The following CDH4 variants were observed in gnomAD, a reference collection of about 807,000 sequenced individuals.
CDH4 encodes the protein cadherin 4.
In CDH4, 33 loss-of-function variants were observed where a neutral mutation model predicts 86.0. The ratio of observed to expected loss-of-function variants is 0.38; its 90% CI spans 0.29 to 0.51. CDH4 has a LOEUF of 0.51. Among genes scored for constraint, CDH4 ranks in the 20% least tolerant of loss-of-function variants. The pLI is 0.86. For synonymous variants in CDH4, 555 were observed against 549.4 expected, an observed-to-expected ratio of 1.01 and a Z score of -0.14; for missense variants, 1,114 against 1,307.4, an observed-to-expected ratio of 0.85 and a Z score of 2.28.
chr20:61,677,157 T>C (rs889536570), intron 2 of CDH4, among the ~76,000 whole-genome samples: 11 of 152,108 alleles, frequency 7.2e-5, no homozygotes, highest in African/African-American at 2.4e-4. Context: ...GCAGGAAGAA[T>C]GACTGCTGGG....
intron 2 of CDH4, among the ~76,000 whole-genome samples, chr20:61,255,666 G>A (rs547347929): frequency 2.0e-5 from 3 of 152,344 alleles, no homozygotes; most frequent in Non-Finnish European, 4.4e-5. Context: ...AGCGATAGAG[G>A]AAGAGGACTT....
At chr20:61,700,941 G>T (rs77770406) in intron 2 of CDH4, among the ~76,000 whole-genome samples, 1 of 152,198 alleles carries the variant, frequency 6.6e-6, no homozygotes, top group African/African-American at 2.4e-5. Context: ...AGGTGTATTC[G>T]TGTTCCAGGG....
intron 3 of CDH4, among the ~76,000 whole-genome samples, chr20:61,751,892 T>C (rs1376409489): frequency 1.3e-5 from 2 of 151,956 alleles, no homozygotes; most frequent in Non-Finnish European, 2.9e-5. Context: ...ACAACCAAAA[T>C]CCATTTGAGG....
At chr20:61,686,451 TCGTGTGTGTGCATTTGCGTGTATATGTG>T (rs1313684411) in intron 2 of CDH4, among the ~76,000 whole-genome samples, 33 of 138,664 alleles carry the variant, frequency 2.4e-4, no homozygotes, top group African/African-American at 8.0e-4. Context: ...GCGTGTGCAT[TCGTGTGTGTGCATTTGCGTGTATATGTG>T]CGTGTGTGTG....
At chr20:61,838,344 G>A (rs562574409) in intron 4 of CDH4, among the ~76,000 whole-genome samples, 1 of 152,236 alleles carries the variant, frequency 6.6e-6, no homozygotes, top group African/African-American at 2.4e-5. Context: ...CCTCGGCTGT[G>A]CAATGCAGGC....
chr20:61,934,006 G>T (rs373911509), intron 14 of CDH4, 50 bp from the exon 15 acceptor site: 2 of 1,597,712 alleles, frequency 1.3e-6, no homozygotes, highest in East Asian at 2.2e-5. Flanking sequence ...TGGAAGGGGG[G>T]CTGGCGGATT....
intron 2 of CDH4, among the ~76,000 whole-genome samples, chr20:61,353,684 CCCTCCTCCTCCCCTCCT>C (rs1568810396): frequency 1.2e-3 from 12 of 10,040 alleles, no homozygotes; most frequent in African/African-American, 1.8e-3. Context: ...CTCCTCCTCC[CCCTCCTCCTCCCCTCCT>C]CCTCCTCCCC....
chr20:61,260,562 G>A (rs959422614), intron 2 of CDH4, among the ~76,000 whole-genome samples: 3 of 152,150 alleles, frequency 2.0e-5, no homozygotes, highest in Non-Finnish European at 2.9e-5. Context: ...AGGCTGGGTG[G>A]GACTCAGACC....
intron 2 of CDH4, among the ~76,000 whole-genome samples, chr20:61,696,455 C>T (rs1221955556): frequency 6.6e-6 from 1 of 152,242 alleles, no homozygotes; most frequent in African/African-American, 2.4e-5. Context: ...AAGACTAGCA[C>T]TGGCTGAGCG....
At chr20:61,509,872 T>C (rs2085767208) in intron 2 of CDH4, among the ~76,000 whole-genome samples, 1 of 152,090 alleles carries the variant, frequency 6.6e-6, no homozygotes, top group Non-Finnish European at 1.5e-5. Context: ...AAGCTCTCTA[T>C]GCAGCTGGCA....
chr20:61,735,594 G>A (rs1015788012), intron 2 of CDH4, among the ~76,000 whole-genome samples: 23 of 152,134 alleles, frequency 1.5e-4, no homozygotes, highest in East Asian at 3.9e-4. Context: ...CCCGGCCAGC[G>A]CCTTCGGGGC....
Position 61,879,813 on chromosome 20 carries a change from A to G in CDH4, c.1050+5913A>G, listed in dbSNP as rs1600731903. On this transcript the variant is annotated intron_variant, in intron 7 of 15. Transcript: ENST00000614565. The surrounding 1 kb of genome is among the most constrained non-coding windows in gnomAD (Gnocchi z 4.1). ...TTAGCACCGGGCCAGCATTGTTCTC[A>G]GCGTCCCTTCCAGGCTGCTCCCGAG... is the stretch of plus-strand genomic sequence containing the variant. Among the ~76,000 whole-genome samples, 1 of 152,208 alleles carries G rather than the reference A, an allele frequency of 6.6e-6. No individual in the cohort carries two copies. The highest frequency in any genetic ancestry group is 6.5e-5 in the Admixed American group (1 of 15,282).
At position 61,937,076 on chromosome 20, in the gene CDH4, C is replaced by T. The variant is rs981632042; in HGVS notation, c.*133C>T. ...TGCTGTTAGGAGGCCCCCCAATCCC[C>T]ACGTTGAGCTGTCTAGCATGAGCAC... On this transcript the variant is annotated 3_prime_UTR_variant, in exon 16 of 16. Transcript: ENST00000614565. 4.4e-6 allele frequency: 3 copies of T among 682,290 alleles called. No individual in the cohort carries two copies. The highest frequency in any genetic ancestry group is 3.7e-5 in the African/African-American group (2 of 53,530). 42.3% of individuals were successfully genotyped at this position (682,290 alleles called of 1,614,324 possible).
At chr20:61,715,590 G>A (rs1422475388) in intron 2 of CDH4, among the ~76,000 whole-genome samples, 1 of 152,224 alleles carries the variant, frequency 6.6e-6, no homozygotes, top group African/African-American at 2.4e-5. Context: ...CATGTGGGTA[G>A]AAGGATTAAG....
chr20:61,542,553 G>A (rs1020884190), intron 2 of CDH4, among the ~76,000 whole-genome samples: 5 of 152,160 alleles, frequency 3.3e-5, no homozygotes, highest in African/African-American at 9.7e-5. Context: ...GATAATGAGA[G>A]CAACAAACTT....
At chr20:61,891,144 C>T (rs556086335) in intron 7 of CDH4, among the ~76,000 whole-genome samples, 25 of 152,002 alleles carry the variant, frequency 1.6e-4, no homozygotes, top group Admixed American at 1.1e-3. Context: ...GCAGACAGGG[C>T]GCCATGTGGG....
chr20:61,294,123 G>T (rs970892291), intron 2 of CDH4, among the ~76,000 whole-genome samples: 6 of 152,190 alleles, frequency 3.9e-5, no homozygotes, highest in African/African-American at 1.2e-4. Flanking sequence ...GTCCTCATGG[G>T]TGGTGGTGGC....
At chr20:61,506,857 A>G (rs568864260) in intron 2 of CDH4, among the ~76,000 whole-genome samples, 2 of 152,306 alleles carry the variant, frequency 1.3e-5, no homozygotes, top group South Asian at 4.1e-4. Context: ...AACATTTGCG[A>G]AAGGAACCAT....
intron 2 of CDH4, among the ~76,000 whole-genome samples, chr20:61,701,627 G>A (rs1010483848): frequency 2.0e-5 from 3 of 152,246 alleles, no homozygotes; most frequent in Non-Finnish European, 2.9e-5. Context: ...CTACGGATCA[G>A]TTGGGGGTGG....
Sources: gnomAD v4.1 joint callset for allele counts (sites outside exome capture counted in the v4.1 genomes callset) on GRCh38, gnomAD v4.1.1 for gene constraint, Gnocchi (gnomAD v3.1) non-coding constraint, MANE v1.5 for transcripts, NCBI Gene and HGNC (gene_info 2026-07-23, HGNC 2026-07-21) for gene names.